The following CNTNAP2 variants were observed in gnomAD, a reference collection of about 807,000 sequenced individuals.
CNTNAP2 encodes the protein contactin-associated protein-like 2.
A neutral mutation model predicts 155.2 loss-of-function variants in CNTNAP2; 98 were observed. The observed-to-expected ratio is 0.63, with a 90% CI of 0.54 to 0.75. The LOEUF is 0.75. Ranked by LOEUF, CNTNAP2 falls within the 30% of genes least tolerant of loss-of-function variation. The pLI, the probability that CNTNAP2 is intolerant of heterozygous loss-of-function variation, is 0.00. For synonymous variants in CNTNAP2, 651 were observed against 631.2 expected, an observed-to-expected ratio of 1.03 and a Z score of -0.47; for missense variants, 1,727 against 1,688.1, an observed-to-expected ratio of 1.02 and a Z score of -0.40.
At chr7:147,618,780 C>CT (rs199689435) in intron 12 of CNTNAP2, among the ~76,000 whole-genome samples, 3,196 of 151,358 alleles carry the variant, frequency 0.021, 232 homozygotes, top group Admixed American at 0.14. Flanking sequence ...TTGTTTTTTG[C>CT]TTTTTTTTCA....
intron 11 of CNTNAP2, among the ~76,000 whole-genome samples, chr7:147,524,452 T>G (rs1466284527): frequency 6.6e-6 from 1 of 152,132 alleles, no homozygotes; most frequent in Non-Finnish European, 1.5e-5. Flanking sequence ...GTCCCCAACA[T>G]TCACAGAAGA....
intron 3 of CNTNAP2, among the ~76,000 whole-genome samples, chr7:146,860,310 G>A (rs968675813): frequency 2.0e-5 from 3 of 152,138 alleles, no homozygotes; most frequent in Admixed American, 2.0e-4. Context: ...TTGCACACCA[G>A]GGAGGTTGCT....
chr7:147,471,611 A>C (rs942795874), intron 10 of CNTNAP2, among the ~76,000 whole-genome samples: 1 of 152,250 alleles, frequency 6.6e-6, no homozygotes, highest in Non-Finnish European at 1.5e-5. Flanking sequence ...TTTTAAAAAA[A>C]GAAAAGTGGT....
chr7:146,507,034 C>T (rs1797394409), intron 1 of CNTNAP2, among the ~76,000 whole-genome samples: 1 of 152,144 alleles, frequency 6.6e-6, no homozygotes, highest in Non-Finnish European at 1.5e-5. Flanking sequence ...GGGGCTTGTA[C>T]TCAGGGTACT....
intron 13 of CNTNAP2, among the ~76,000 whole-genome samples, chr7:147,802,647 G>C (rs13308481): frequency 2.0e-5 from 3 of 151,794 alleles, no homozygotes; most frequent in East Asian, 1.9e-4. Context: ...GTGGCGGCGC[G>C]CACCTGCAAT....
intron 8 of CNTNAP2, among the ~76,000 whole-genome samples, chr7:147,216,161 G>T (rs1803265801): frequency 6.7e-6 from 1 of 149,568 alleles, no homozygotes. Flanking sequence ...ATAGTCTTTT[G>T]GCAAAGCAGA....
intron 14 of CNTNAP2, among the ~76,000 whole-genome samples, chr7:147,924,143 C>CTTTTTTTTTTTTTT (rs71527854): frequency 1.5e-4 from 18 of 123,486 alleles, no homozygotes; most frequent in Non-Finnish European, 1.8e-4. Context: ...CTTTTCTTTT[C>CTTTTTTTTTTTTTT]TTTTTTTTTT....
At chr7:146,185,867 T>C (rs1798616386) in intron 1 of CNTNAP2, among the ~76,000 whole-genome samples, 1 of 151,914 alleles carries the variant, frequency 6.6e-6, no homozygotes, top group African/African-American at 2.4e-5. Flanking sequence ...TACTTGGAAT[T>C]AAAATAAATA....
intron 1 of CNTNAP2, among the ~76,000 whole-genome samples, chr7:146,454,308 G>A (rs760895460): frequency 3.9e-5 from 6 of 152,092 alleles, no homozygotes; most frequent in South Asian, 2.1e-4. Context: ...CCCCCTTTAC[G>A]TATTTCTAAG....
chr7:146,874,998 T>A (rs75708793), intron 3 of CNTNAP2, among the ~76,000 whole-genome samples: 1 of 152,200 alleles, frequency 6.6e-6, no homozygotes, highest in African/African-American at 2.4e-5. Flanking sequence ...ATCAACGTCA[T>A]TAACTTTGGA....
chr7:147,824,805 T>C (rs1269284791), intron 13 of CNTNAP2, among the ~76,000 whole-genome samples: 1 of 152,070 alleles, frequency 6.6e-6, no homozygotes, highest in Non-Finnish European at 1.5e-5. Context: ...GGTCACACAA[T>C]GCCTGAAAAA....
chr7:148,134,403 A>T (rs911279907), intron 16 of CNTNAP2, among the ~76,000 whole-genome samples: 1 of 152,342 alleles, frequency 6.6e-6, no homozygotes, highest in East Asian at 1.9e-4. Context: ...ACATCAGAAC[A>T]TGCTGGCATT....
At chr7:148,227,375 G>A (rs1485486693) in intron 19 of CNTNAP2, among the ~76,000 whole-genome samples, 2 of 152,250 alleles carry the variant, frequency 1.3e-5, no homozygotes, top group Admixed American at 6.5e-5. Flanking sequence ...CATGGGGTTC[G>A]GAGCAAAGAA....
intron 4 of CNTNAP2, among the ~76,000 whole-genome samples, chr7:147,093,240 C>CA (rs530286124): frequency 0.076 from 4,018 of 53,072 alleles, 170 homozygotes; most frequent in African/African-American, 0.12. Flanking sequence ...GACTCCATCT[C>CA]AAAAAAAAAA....
chr7:147,791,648 A>T (rs1452069899), intron 13 of CNTNAP2, among the ~76,000 whole-genome samples: 3 of 152,042 alleles, frequency 2.0e-5, no homozygotes, highest in Non-Finnish European at 2.9e-5. Flanking sequence ...CTGTACTCTG[A>T]TGTCTTCAGC....
At chr7:148,153,040 A>AAAG (rs1805333095) in intron 17 of CNTNAP2, among the ~76,000 whole-genome samples, 2 of 150,824 alleles carry the variant, frequency 1.3e-5, no homozygotes, top group African/African-American at 4.9e-5. Context: ...AAAAAAAAAA[A>AAAG]AAAAAAAGCT....
chr7:147,082,857 C>T (rs933993093), intron 4 of CNTNAP2: 2 of 152,056 alleles, frequency 1.3e-5, no homozygotes, highest in Admixed American at 1.3e-4. Context: ...GGAGCCATTC[C>T]GGCATCACTG....
At chr7:148,049,406 G>A (rs1464557492) in intron 15 of CNTNAP2, among the ~76,000 whole-genome samples, 1 of 151,346 alleles carries the variant, frequency 6.6e-6, no homozygotes, top group African/African-American at 2.4e-5. Context: ...AAGAATTCTA[G>A]ATATACACTC....
intron 1 of CNTNAP2, among the ~76,000 whole-genome samples, chr7:146,337,706 G>C (rs959412572): frequency 6.6e-6 from 1 of 152,134 alleles, no homozygotes; most frequent in Non-Finnish European, 1.5e-5. Flanking sequence ...CTGGGTTCAA[G>C]CGGTTCTCCT....
Sources: allele counts gnomAD v4.1 joint callset (sites outside exome capture counted in the v4.1 genomes callset), GRCh38; gene constraint gnomAD v4.1.1; transcripts MANE v1.5; gene names NCBI Gene and HGNC (gene_info 2026-07-23, HGNC 2026-07-21).